Variants in DMAC2L observed in about 807,000 individuals in gnomAD.
DMAC2L encodes the protein ATP synthase subunit s, mitochondrial.
In DMAC2L, 21 loss-of-function variants were observed where a neutral mutation model predicts 22.5. The ratio of observed to expected loss-of-function variants is 0.93; its 90% confidence interval spans 0.66 to 1.34. DMAC2L has a LOEUF of 1.34. DMAC2L is among the 40% of genes most tolerant of loss of function. DMAC2L has a pLI of 0.00. For missense variants in DMAC2L, 239 were observed against 246.5 expected, an observed-to-expected ratio of 0.97 and a Z score of 0.20; for synonymous variants, 86 against 89.5, an observed-to-expected ratio of 0.96 and a Z score of 0.22.
At chr14:50,315,159 G>A (rs915882227) in intron 2 of DMAC2L, among the ~76,000 whole-genome samples, 6 of 150,524 alleles carry the variant, frequency 4.0e-5, no homozygotes, top group African/African-American at 4.9e-5. Flanking sequence ...GTAGAGACAG[G>A]GTTTCACCGT....
chr14:50,312,105 G>A, upstream of DMAC2L: 1 of 1,608,620 alleles, frequency 6.2e-7, no homozygotes. Flanking sequence ...AAAAGCCCGC[G>A]GGCCCGTCCG....
chr14:50,312,628 C>CGGCCCGCCCT (rs1487536944), intron 1 of DMAC2L: 1 of 225,472 alleles, frequency 4.4e-6, no homozygotes, highest in African/African-American at 2.5e-5. Context: ...GGCCCCGCCC[C>CGGCCCGCCCT]CGCCCCGCCC....
At chr14:50,314,378 G>T (rs999125519) in intron 1 of DMAC2L, among the ~76,000 whole-genome samples, 1 of 152,128 alleles carries the variant, frequency 6.6e-6, no homozygotes, top group Non-Finnish European at 1.5e-5. Context: ...GGCCTCCCCA[G>T]CCATGTGGAA....
At chr14:50,314,014 C>G (rs540718935) in intron 1 of DMAC2L, among the ~76,000 whole-genome samples, 14 of 152,302 alleles carry the variant, frequency 9.2e-5, no homozygotes, top group African/African-American at 2.9e-4. Flanking sequence ...TCAGCATAAT[C>G]CCTTGAGATA....
chr14:50,319,977 T>G (rs2032130421), intron 2 of DMAC2L, among the ~76,000 whole-genome samples: 1 of 152,212 alleles, frequency 6.6e-6, no homozygotes. Context: ...TATGGCCTCA[T>G]GTGATTGAAG....
chr14:50,311,957 T>TG (rs1001238438), upstream of DMAC2L: 19 of 1,538,370 alleles, frequency 1.2e-5, no homozygotes, highest in Non-Finnish European at 1.7e-5. Context: ...CACCACCAGG[T>TG]GCCTCCGCGA....
chr14:50,322,382 T>TC lies in DMAC2L; in HGVS notation c.108-129_108-128insC. Reference sequence around the variant, plus strand: ...TTTGTTTTTTTTGCATGGATCTCACTAATTTATCTTCCTCGTCAGTCACTT... The same window carrying TC: ...TTTGTTTTTTTTGCATGGATCTCACTCAATTTATCTTCCTCGTCAGTCACTT... On this transcript the variant is annotated intron_variant, in intron 3 of 5. Coordinates refer to ENST00000557421, the MANE Select transcript of DMAC2L (RefSeq NM_001382507.1). The TC allele has an allele frequency of 2.2e-6, 2 of 925,750 alleles. 1 individual carries two copies. Among genetic ancestry groups the TC allele is most frequent in the Non-Finnish European group, 2.9e-6 (2 of 688,760 alleles). 57.3% of individuals were successfully genotyped at this position (925,750 alleles called of 1,614,324 possible).
At chr14:50,312,024 TGCG>T, upstream of DMAC2L, 2 of 1,570,666 alleles carry the variant, frequency 1.3e-6, no homozygotes, top group Non-Finnish European at 1.7e-6. Context: ...GTGCTGGCGC[TGCG>T]GCTACCTCCA....
intron 4 of DMAC2L, among the ~76,000 whole-genome samples, chr14:50,323,388 CTCT>C (rs2032453831): frequency 8.5e-6 from 1 of 117,988 alleles, no homozygotes; most frequent in African/African-American, 3.3e-5. Flanking sequence ...TGCACCCGGC[CTCT>C]TTTTTTTTTT....
Position 50,312,670 on chromosome 14 carries a change from C to A in DMAC2L, c.-42+281C>A, listed in dbSNP as rs114310470. On this transcript the variant is annotated intron_variant, in intron 1 of 5. Coordinates refer to ENST00000557421, the MANE Select transcript of DMAC2L (RefSeq NM_001382507.1). ...CAGCTCCAGCCGGGTCCTCGCTCGG[C>A]CCCGCACGCGGCCCGCGGTAGACGG... 2,864 of 317,220 alleles carry A rather than the reference C, an allele frequency of 9.0e-3. 81 individuals carry two copies. Among genetic ancestry groups the A allele is most frequent in the African/African-American group, 0.06 (2,671 of 44,678 alleles). 19.7% of individuals were successfully genotyped at this position (317,220 alleles called of 1,614,324 possible).
intron 2 of DMAC2L, 40 bp from the exon 3 acceptor site, chr14:50,321,443 C>T (rs368799566): frequency 4.1e-5 from 66 of 1,609,840 alleles, no homozygotes; most frequent in South Asian, 5.5e-5. Flanking sequence ...GTATGGGACT[C>T]GGATGATGAT....
chr14:50,319,367 C>T, intron 2 of DMAC2L: 5 of 1,533,766 alleles, frequency 3.3e-6, no homozygotes, highest in Non-Finnish European at 4.4e-6. Flanking sequence ...TCAATCACTT[C>T]CTCAGCTTTA....
chr14:50,312,285 G>C (rs1356977332), upstream of DMAC2L: 1 of 1,332,910 alleles, frequency 7.5e-7, no homozygotes, highest in Admixed American at 2.2e-5. Context: ...ATGTGGGAGA[G>C]GCTGCGGTGG....
intron 2 of DMAC2L, chr14:50,321,260 G>C (rs1053741628): frequency 4.5e-6 from 3 of 667,396 alleles, no homozygotes; most frequent in African/African-American, 1.9e-5. Context: ...TAACGTTCTA[G>C]CCGGAAGGAG....
At chr14:50,321,788 T>C (rs1254677748) in intron 3 of DMAC2L, among the ~76,000 whole-genome samples, 194 bp downstream of exon 3, 1 of 152,164 alleles carries the variant, frequency 6.6e-6, no homozygotes, top group Non-Finnish European at 1.5e-5. Context: ...ATTGTGGCTG[T>C]TTGGGTTGCA....
intron 3 of DMAC2L, 100 bp downstream of exon 3, chr14:50,321,694 A>C: frequency 1.3e-6 from 1 of 773,644 alleles, no homozygotes; most frequent in Non-Finnish European, 2.0e-6. Flanking sequence ...CAGTTTGTGC[A>C]GTGTGATCCT....
chr14:50,319,133 G>A, intron 2 of DMAC2L: 3 of 1,511,286 alleles, frequency 2.0e-6, no homozygotes, highest in Non-Finnish European at 2.6e-6. Context: ...GTAGAAGCTG[G>A]GAAAGCCCAT....
intron 2 of DMAC2L, among the ~76,000 whole-genome samples, chr14:50,318,646 C>G (rs533032809): frequency 6.6e-6 from 1 of 152,052 alleles, no homozygotes; most frequent in African/African-American, 2.4e-5. Context: ...CATCCTTGTT[C>G]TTTTACTTTG....
chr14:50,318,224 C>T (rs984373530), intron 2 of DMAC2L, among the ~76,000 whole-genome samples: 2 of 152,152 alleles, frequency 1.3e-5, no homozygotes, highest in African/African-American at 4.8e-5. Context: ...TCCTCTTTCC[C>T]TATAGAAAGC....
Sources: allele counts gnomAD v4.1 joint callset (sites outside exome capture counted in the v4.1 genomes callset), GRCh38; gene constraint gnomAD v4.1.1; transcripts MANE v1.5; gene names NCBI Gene and HGNC (gene_info 2026-07-23, HGNC 2026-07-21).